CRX: variants seen among roughly 807,000 people sequenced by gnomAD.
The protein encoded by CRX is cone-rod homeobox protein.
Under a neutral mutation model 13.1 loss-of-function variants are expected in CRX, and 5 were observed. That is an observed-to-expected ratio of 0.38 (90% CI 0.20 to 0.80). The LOEUF is 0.80. Ranked by LOEUF, CRX falls within the 30% of genes least tolerant of loss-of-function variation. The pLI is 0.43. For synonymous variants in CRX, 179 were observed against 171.1 expected (o/e 1.05, Z -0.36); for missense variants, 351 against 391.8 (o/e 0.90, Z 0.88).
At position 47,836,397 on chromosome 19, in the gene CRX, G is replaced by T. The variant is rs761746791; in HGVS notation, c.252+3G>T. On this transcript the variant is annotated splice_donor_region_variant and intron_variant, in intron 3 of 3. Coordinates refer to ENST00000221996, the MANE Select transcript of CRX (RefSeq NM_000554.6). ...ATCTGCCTGAGTCCAGGGTTCAGGTGGGGTGGTGGGTCCCTGGACCCCTCC... is the reference window on the plus strand; with the variant it reads ...ATCTGCCTGAGTCCAGGGTTCAGGTTGGGTGGTGGGTCCCTGGACCCCTCC... 1 of 1,614,196 alleles carries T rather than the reference G, an allele frequency of 6.2e-7. No homozygotes were observed. The highest frequency in any genetic ancestry group is 8.5e-7 in the Non-Finnish European group (1 of 1,180,028).
At chr19:47,833,698 C>T (rs1968081994) in intron 1 of CRX, among the ~76,000 whole-genome samples, 1 of 152,190 alleles carries the variant, frequency 6.6e-6, no homozygotes, top group South Asian at 2.1e-4. Context: ...CACCTCTCCT[C>T]CAACCTGGGC....
chr19:47,836,347 C>G lies in CRX; in HGVS notation c.205C>G (p.Arg69Gly). Residue 69 changes from arginine to glycine, a missense_variant, in exon 3 of 4, where the codon CGT becomes GGT. Arg to Gly is a moderately radical substitution (Grantham distance 125). This residue lies in a region of CRX where 95 missense variants were observed against 106.7 expected (regional missense o/e 0.89). Transcript: ENST00000221996. The part of the protein sequence containing the change: ...AKTQYPDVYA[R>G]EEVALKINLP... Reference sequence around the variant, plus strand: ...GACCCAGTACCCAGACGTCTATGCCCGTGAGGAGGTGGCTCTGAAGATCAA... The same window carrying G: ...GACCCAGTACCCAGACGTCTATGCCGGTGAGGAGGTGGCTCTGAAGATCAA... 5 of 1,614,180 alleles carry G rather than the reference C, an allele frequency of 3.1e-6. No homozygotes were observed. Among genetic ancestry groups the G allele is most frequent in the Non-Finnish European group, 4.2e-6 (5 of 1,180,028 alleles).
rs529826011 is a variant in CRX, at chr19:47,839,201, A to G, written c.253-119A>G. On this transcript the variant is annotated intron_variant, in intron 3 of 3. Coordinates refer to ENST00000221996, the MANE Select transcript of CRX (RefSeq NM_000554.6). The surrounding 1 kb of genome is among the most constrained non-coding windows in gnomAD (Gnocchi z 4.6). ...ATAGACGCCCCACAGCTGGATGCAA[A>G]GTAGACAGATGTGAACCCAGCACCT... 6 of 1,106,360 alleles carry G rather than the reference A, an allele frequency of 5.4e-6. No individual in the cohort carries two copies. Among genetic ancestry groups the G allele is most frequent in the African/African-American group, 4.7e-5 (3 of 64,082 alleles). The allele number at this position is 1,106,360 out of a possible 1,614,324, so 68.5% of individuals were successfully genotyped here. A position where few individuals can be genotyped will look rare whatever the true frequency, so the allele number is the denominator to read the frequency against.
Position 47,839,376 on chromosome 19 carries a change from G to A in CRX, c.309G>A (p.Gln103=), listed in dbSNP as rs138242846. The change falls in exon 4 of 4, where the codon CAG becomes CAA. Residue 103 remains glutamine, a synonymous_variant. Transcript: ENST00000221996. The surrounding 1 kb of genome is among the most constrained non-coding windows in gnomAD (Gnocchi z 4.6). ...KCRQQRQQQK[Q]QQQPPGGQAK... ...GGCAGCAGCGACAGCAGCAGAAACAGCAGCAGCAGCCCCCAGGGGGCCAGG... is the reference window on the plus strand; with the variant it reads ...GGCAGCAGCGACAGCAGCAGAAACAACAGCAGCAGCCCCCAGGGGGCCAGG... 3.3e-5 allele frequency: 54 copies of A among 1,613,268 alleles called. No homozygotes were observed. The African/African-American group carries it at 6.9e-4, about 21-fold the overall frequency.
chr19:47,832,325 C>T (rs1263758297), intron 1 of CRX, among the ~76,000 whole-genome samples: 4 of 151,052 alleles, frequency 2.6e-5, no homozygotes, highest in African/African-American at 7.3e-5. Flanking sequence ...AGGCTGGTCT[C>T]GAACTTCTGA....
At chr19:47,828,000 A>G (rs1418780338) in intron 1 of CRX, among the ~76,000 whole-genome samples, 2 of 148,244 alleles carry the variant, frequency 1.3e-5, no homozygotes, top group African/African-American at 5.2e-5. Context: ...CTAAAAATAC[A>G]AAAATTAGCC....
intron 1 of CRX, among the ~76,000 whole-genome samples, chr19:47,822,352 A>T (rs567033425): frequency 6.6e-6 from 1 of 152,220 alleles, no homozygotes; most frequent in South Asian, 2.1e-4. Flanking sequence ...TCCTCAGCAT[A>T]CCGCTCTGTT....
intron 1 of CRX, among the ~76,000 whole-genome samples, chr19:47,831,966 C>T (rs138731056): frequency 0.017 from 2,382 of 143,326 alleles, 89 homozygotes; most frequent in African/African-American, 0.062. Flanking sequence ...CTCGAACTCC[C>T]GACCTCAGGT....
chr19:47,837,385 T>A (rs1048800350), intron 3 of CRX, among the ~76,000 whole-genome samples: 1 of 152,338 alleles, frequency 6.6e-6, no homozygotes, highest in East Asian at 1.9e-4. Flanking sequence ...CAGGCTGGTC[T>A]CAAACTCCTG....
chr19:47,834,662 G>A (rs1379641977), intron 2 of CRX, 119 bp downstream of exon 2: 2 of 745,092 alleles, frequency 2.7e-6, no homozygotes, highest in Admixed American at 2.1e-5. Context: ...CCATACACCA[G>A]CCCTCTGGGT....
At chr19:47,827,880 G>A (rs762329095) in intron 1 of CRX, among the ~76,000 whole-genome samples, 14 of 139,154 alleles carry the variant, frequency 1.0e-4, no homozygotes, top group East Asian at 4.2e-4. Flanking sequence ...AAGGCAGGGC[G>A]TGGTGGCTCA....
At chr19:47,834,372 T>A (rs1968090546) in intron 1 of CRX, 37 bp from the exon 2 acceptor site, 1 of 1,153,772 alleles carries the variant, frequency 8.7e-7, no homozygotes, top group African/African-American at 1.5e-5. Context: ...GGTGAGTAAC[T>A]GGTAAGTGAG....
In CRX at chr19:47,840,020, A is replaced by C; in HGVS notation, c.*53A>C. The stretch of plus-strand genomic sequence containing the variant: ...GGGCCTCGGGACCCTTTCTCTTCTG[A>C]ATCTGCTTCCCTGCAGTTTAGATCC... On this transcript the variant is annotated 3_prime_UTR_variant, in exon 4 of 4. Transcript: ENST00000221996. 6.3e-7 allele frequency: 1 copy of C among 1,599,862 alleles called. No homozygotes were observed. The highest frequency in any genetic ancestry group is 8.5e-7 in the Non-Finnish European group (1 of 1,175,716).
intron 1 of CRX, among the ~76,000 whole-genome samples, chr19:47,829,562 C>A (rs1415924169): frequency 6.6e-6 from 1 of 152,090 alleles, no homozygotes; most frequent in Admixed American, 6.6e-5. Flanking sequence ...AACTCTTGAC[C>A]TCAGGTGATC....
In CRX at chr19:47,840,045, C is replaced by T; in HGVS notation, c.*78C>T. The T allele has an allele frequency of 1.9e-6, 3 of 1,564,208 alleles. No homozygotes were observed. Among genetic ancestry groups the T allele is most frequent in the Admixed American group, 1.7e-5 (1 of 58,772 alleles). ...AATCTGCTTCCCTGCAGTTTAGATC[C>T]CGGGATGGCATTCCTGAGAAAGCAA... On this transcript the variant is annotated 3_prime_UTR_variant, in exon 4 of 4. Transcript: ENST00000221996.
At position 47,836,267 on chromosome 19, in the gene CRX, A is replaced by G; in HGVS notation, c.125A>G (p.Glu42Gly). ...GGCGCCCCCAGGAAGCAGCGGCGGG[A>G]GCGCACCACCTTCACCCGGAGCCAA... Reference protein sequence around the residue: ...YPSAPRKQRRERTTFTRSQLE... With the variant: ...YPSAPRKQRRGRTTFTRSQLE... Residue 42 changes from glutamate to glycine, a missense_variant, in exon 3 of 4, where the codon GAG becomes GGG. Coordinates refer to ENST00000221996, the MANE Select transcript of CRX (RefSeq NM_000554.6). The G allele has an allele frequency of 1.2e-6, 2 of 1,613,970 alleles. No individual in the cohort carries two copies. Among genetic ancestry groups the G allele is most frequent in the Non-Finnish European group, 1.7e-6 (2 of 1,179,996 alleles).
At chr19:47,830,091 A>G (rs1968025346) in intron 1 of CRX, among the ~76,000 whole-genome samples, 2 of 150,100 alleles carry the variant, frequency 1.3e-5, no homozygotes, top group Non-Finnish European at 3.0e-5. Flanking sequence ...GGTCATATAC[A>G]ATATATAAAA....
intron 1 of CRX, among the ~76,000 whole-genome samples, chr19:47,827,632 G>A (rs565973612): frequency 3.6e-5 from 5 of 138,268 alleles, no homozygotes; most frequent in African/African-American, 1.1e-4. Flanking sequence ...TCCGCCTCCC[G>A]GGTTCAAGCG....
intron 1 of CRX, among the ~76,000 whole-genome samples, chr19:47,829,365 C>T (rs1968015995): frequency 6.7e-6 from 1 of 150,240 alleles, no homozygotes; most frequent in Non-Finnish European, 1.5e-5. Context: ...GAGTTTCGCT[C>T]TTGTTGCCCA....
Sources: allele counts gnomAD v4.1 joint callset (sites outside exome capture counted in the v4.1 genomes callset), GRCh38; gene constraint gnomAD v4.1.1; regional missense constraint gnomAD v4.1.1; non-coding constraint Gnocchi (gnomAD v3.1); transcripts MANE v1.5; gene names NCBI Gene and HGNC (gene_info 2026-07-23, HGNC 2026-07-21).